ALCAM: variants seen among roughly 807,000 people sequenced by gnomAD.
ALCAM encodes activated leukocyte cell adhesion molecule, also known as CD166 antigen.
A neutral mutation model predicts 70.9 loss-of-function variants in ALCAM; 30 were observed. That is an observed-to-expected ratio of 0.42 (90% CI 0.32 to 0.57). ALCAM has a LOEUF of 0.57. Among genes scored for constraint, ALCAM ranks in the 20% least tolerant of loss-of-function variants. ALCAM has a pLI of 0.11. For missense variants in ALCAM, 591 were observed against 695.1 expected (o/e 0.85, Z 1.68); for synonymous variants, 249 against 242.5 (o/e 1.03, Z -0.25).
At chr3:105,405,785 T>C (rs529540825) in intron 1 of ALCAM, among the ~76,000 whole-genome samples, 1 of 152,270 alleles carries the variant, frequency 6.6e-6, no homozygotes, top group African/African-American at 2.4e-5. Flanking sequence ...GGAAATTAAA[T>C]AACTTGCTCC....
At chr3:105,388,745 TA>T (rs1935721212) in intron 1 of ALCAM, among the ~76,000 whole-genome samples, 1 of 151,604 alleles carries the variant, frequency 6.6e-6, no homozygotes, top group African/African-American at 2.4e-5. Flanking sequence ...ATTTTTCTTT[TA>T]AAAAATATGT....
chr3:105,551,797 A>C (rs1178766935), intron 12 of ALCAM, among the ~76,000 whole-genome samples: 2 of 151,534 alleles, frequency 1.3e-5, no homozygotes, highest in African/African-American at 4.8e-5. Flanking sequence ...CACACTGTAG[A>C]CTTCCTAGGT....
intron 1 of ALCAM, among the ~76,000 whole-genome samples, chr3:105,460,609 T>C (rs1451410943): frequency 1.3e-5 from 2 of 151,886 alleles, no homozygotes; most frequent in Admixed American, 1.3e-4. Context: ...GAGAGAAGGG[T>C]ACACTTTCTT....
chr3:105,398,506 A>G (rs1936008637), intron 1 of ALCAM, among the ~76,000 whole-genome samples: 1 of 152,090 alleles, frequency 6.6e-6, no homozygotes, highest in Non-Finnish European at 1.5e-5. Flanking sequence ...TTATTTTAAC[A>G]TAAAGCTTTT....
At chr3:105,549,819 A>T (rs529251158) in intron 11 of ALCAM, among the ~76,000 whole-genome samples, 1 of 151,582 alleles carries the variant, frequency 6.6e-6, no homozygotes. Context: ...TCACCAATTA[A>T]TTATTTTGAA....
At chr3:105,526,064 TATA>T (rs1939699019) in intron 3 of ALCAM, among the ~76,000 whole-genome samples, 1 of 152,176 alleles carries the variant, frequency 6.6e-6, no homozygotes, top group Admixed American at 6.5e-5. Context: ...TGGTGATAGT[TATA>T]ATGTCATAAT....
At chr3:105,373,150 C>A (rs1306665628) in intron 1 of ALCAM, among the ~76,000 whole-genome samples, 1 of 151,832 alleles carries the variant, frequency 6.6e-6, no homozygotes, top group South Asian at 2.1e-4. Context: ...GGTTAGCAGC[C>A]AGGTAGGTTG....
At chr3:105,503,492 C>T (rs1938979119) in intron 1 of ALCAM, among the ~76,000 whole-genome samples, 2 of 152,074 alleles carry the variant, frequency 1.3e-5, no homozygotes, top group African/African-American at 4.8e-5. Context: ...TTTTTCATTC[C>T]CACTGCCCTA....
intron 1 of ALCAM, among the ~76,000 whole-genome samples, chr3:105,479,679 A>AT (rs1223098733): frequency 6.6e-6 from 1 of 152,174 alleles, no homozygotes; most frequent in Non-Finnish European, 1.5e-5. Context: ...TGACCATCAT[A>AT]TACTATTTAT....
intron 1 of ALCAM, among the ~76,000 whole-genome samples, chr3:105,454,223 T>C (rs1310542304): frequency 6.6e-6 from 1 of 152,222 alleles, no homozygotes; most frequent in African/African-American, 2.4e-5. Flanking sequence ...TACCAAATGA[T>C]ACTCTTCTTA....
intron 1 of ALCAM, among the ~76,000 whole-genome samples, chr3:105,400,973 C>T (rs1019185464): frequency 6.6e-6 from 1 of 152,162 alleles, no homozygotes; most frequent in Non-Finnish European, 1.5e-5. Flanking sequence ...ACAAAGTAGG[C>T]ACTCAAGAAT....
intron 1 of ALCAM, among the ~76,000 whole-genome samples, chr3:105,477,332 A>C (rs1396664992): frequency 6.6e-6 from 1 of 152,084 alleles, no homozygotes; most frequent in African/African-American, 2.4e-5. Flanking sequence ...TTCTAGTAAT[A>C]TAGGTCTATC....
intron 1 of ALCAM, among the ~76,000 whole-genome samples, chr3:105,503,046 C>T (rs1164455757): frequency 2.0e-5 from 3 of 152,170 alleles, no homozygotes; most frequent in Non-Finnish European, 4.4e-5. Context: ...AAACAAACAA[C>T]AGTATTTCTT....
intron 14 of ALCAM, among the ~76,000 whole-genome samples, chr3:105,554,644 G>T (rs1212889563): frequency 6.6e-6 from 1 of 151,812 alleles, no homozygotes; most frequent in Admixed American, 6.6e-5. Context: ...ACTTCACATG[G>T]GTTTGTGTCC....
chr3:105,564,488 A>G lies in ALCAM; in HGVS notation c.1665-7364A>G, dbSNP rs1480664001. Among the ~76,000 whole-genome samples the G allele has an allele frequency of 2.0e-5, 3 of 152,328 alleles. No homozygotes were observed. In the East Asian group the frequency reaches 5.8e-4, roughly 29 times the overall value. On this transcript the variant is annotated intron_variant, in intron 14 of 15. Coordinates refer to ENST00000306107, the MANE Select transcript of ALCAM (RefSeq NM_001627.4). ...TAGTGGATCTGAACCTTTGTCTATCACTTTCATTCTGAAAAACCTCCTTTG... is the reference window on the plus strand; with the variant it reads ...TAGTGGATCTGAACCTTTGTCTATCGCTTTCATTCTGAAAAACCTCCTTTG...
intron 12 of ALCAM, among the ~76,000 whole-genome samples, chr3:105,551,374 T>G (rs1030172550): frequency 6.6e-6 from 1 of 151,634 alleles, no homozygotes; most frequent in African/African-American, 2.4e-5. Context: ...TTCTAGGCCT[T>G]GCAGTGACTT....
chr3:105,474,560 CAAATGG>C, intron 1 of ALCAM, among the ~76,000 whole-genome samples: 1 of 149,184 alleles, frequency 6.7e-6, no homozygotes, highest in East Asian at 2.0e-4. Flanking sequence ...CCTTTACTGA[CAAATGG>C]AAATATTCAG....
intron 1 of ALCAM, among the ~76,000 whole-genome samples, chr3:105,376,222 T>G (rs1364477759): frequency 6.6e-6 from 1 of 152,156 alleles, no homozygotes; most frequent in Non-Finnish European, 1.5e-5. Context: ...AATGAGAATG[T>G]TCTTTTGATG....
At chr3:105,373,478 G>A (rs1339010160) in intron 1 of ALCAM, among the ~76,000 whole-genome samples, 1 of 152,012 alleles carries the variant, frequency 6.6e-6, no homozygotes, top group African/African-American at 2.4e-5. Flanking sequence ...CTCTCCATCT[G>A]TATAGTTTTA....
Sources: allele counts gnomAD v4.1 joint callset (sites outside exome capture counted in the v4.1 genomes callset), GRCh38; gene constraint gnomAD v4.1.1; transcripts MANE v1.5; gene names NCBI Gene and HGNC (gene_info 2026-07-23, HGNC 2026-07-21).